Variants in NEO1 observed in about 807,000 individuals in gnomAD.
NEO1 encodes neogenin 1.
NEO1 carries 63 observed loss-of-function variants against 159.7 expected under a neutral mutation model. The ratio of observed to expected loss-of-function variants is 0.39; its 90% CI spans 0.32 to 0.49. NEO1 has a LOEUF of 0.49. Among genes scored for constraint, NEO1 ranks in the 20% least tolerant of loss-of-function variants. The pLI is 0.85. For missense variants in NEO1, 1,615 were observed against 1,831.0 expected, an observed-to-expected ratio of 0.88 and a Z score of 2.15; for synonymous variants, 633 against 662.0, an observed-to-expected ratio of 0.96 and a Z score of 0.67.
At chr15:73,263,319 G>A (rs998934840) in intron 15 of NEO1, among the ~76,000 whole-genome samples, 1 of 151,106 alleles carries the variant, frequency 6.6e-6, no homozygotes, top group East Asian at 2.0e-4. Context: ...TCAACCTCCT[G>A]AGTAGCTGGG....
In NEO1 at chr15:73,288,398, C is replaced by T; in HGVS notation, c.3496C>T (p.His1166Tyr). The T allele has an allele frequency of 3.7e-6, 6 of 1,614,092 alleles. No individual in the cohort carries two copies. The highest frequency in any genetic ancestry group is 5.1e-6 in the Non-Finnish European group (6 of 1,180,000). Reference protein sequence around the residue: ...KDVKPPDLWIHHERLELKPID... With the variant: ...KDVKPPDLWIYHERLELKPID... ...TGTGAAACCTCCAGATCTCTGGATC[C>T]ATCATGAGAGACTGGAGCTGAAACC... The change falls in exon 24 of 29, where the codon CAT (histidine) becomes TAT (tyrosine). Residue 1166 changes from histidine (H) to tyrosine (Y), a missense_variant. This residue lies in a region of NEO1 where 471 missense variants were observed against 498.9 expected (regional missense o/e 0.94). Transcript: ENST00000261908.
intron 1 of NEO1, among the ~76,000 whole-genome samples, chr15:73,099,503 G>A (rs950738170): frequency 6.6e-6 from 1 of 152,158 alleles, no homozygotes; most frequent in African/African-American, 2.4e-5. Context: ...GCAGAAACTA[G>A]CTTTGATAAT....
intron 22 of NEO1, 63 bp downstream of exon 22, chr15:73,278,262 T>A: frequency 6.8e-7 from 1 of 1,460,864 alleles, no homozygotes. Flanking sequence ...GCTTAAATTT[T>A]TGAAATGTCC....
intron 7 of NEO1, among the ~76,000 whole-genome samples, chr15:73,188,720 A>G (rs1032127740): frequency 6.6e-6 from 1 of 152,242 alleles, no homozygotes; most frequent in African/African-American, 2.4e-5. Context: ...TGATGTAACA[A>G]TTTACATTTT....
At chr15:73,165,946 T>C (rs1037675294) in intron 5 of NEO1, among the ~76,000 whole-genome samples, 5 of 152,318 alleles carry the variant, frequency 3.3e-5, no homozygotes, top group Admixed American at 2.6e-4. Context: ...GGATTTTCCA[T>C]TGTGGGCATG....
chr15:73,160,571 A>C (rs946965150), intron 5 of NEO1, among the ~76,000 whole-genome samples: 4 of 152,172 alleles, frequency 2.6e-5, no homozygotes, highest in African/African-American at 9.6e-5. Flanking sequence ...GACTAGCTAC[A>C]GATTGAGGTT....
chr15:73,063,865 T>A (rs889611035), intron 1 of NEO1, among the ~76,000 whole-genome samples: 1 of 152,186 alleles, frequency 6.6e-6, no homozygotes, highest in Non-Finnish European at 1.5e-5. Context: ...ATGTTCCAAT[T>A]TAATGAAAAT....
At chr15:73,217,645 C>T (rs1378237740) in intron 7 of NEO1, among the ~76,000 whole-genome samples, 10 of 152,112 alleles carry the variant, frequency 6.6e-5, no homozygotes, top group South Asian at 2.1e-4. Context: ...AGGTCCTTCA[C>T]GTCCCTTGTA....
At chr15:73,180,808 T>C (rs2035563987) in intron 7 of NEO1, among the ~76,000 whole-genome samples, 1 of 152,220 alleles carries the variant, frequency 6.6e-6, no homozygotes, top group Admixed American at 6.5e-5. Flanking sequence ...TTATTGGGCA[T>C]GTATTAAAGA....
intron 21 of NEO1, 27 bp downstream of exon 21, chr15:73,274,751 C>T: frequency 6.3e-7 from 1 of 1,585,898 alleles, no homozygotes. Flanking sequence ...CCTCTCTTTT[C>T]TTTCCTTTCT....
At chr15:73,163,017 C>T (rs1370877967) in intron 5 of NEO1, 1 of 152,576 alleles carries the variant, frequency 6.6e-6, no homozygotes, top group Non-Finnish European at 1.5e-5. Context: ...AGGATGGAAT[C>T]AAACCAGGCG....
chr15:73,213,378 A>G (rs2037691708), intron 7 of NEO1, among the ~76,000 whole-genome samples: 1 of 152,222 alleles, frequency 6.6e-6, no homozygotes, highest in South Asian at 2.1e-4. Context: ...TCACCTGAAC[A>G]GTATACAATG....
chr15:73,252,237 C>T (rs924885825), intron 11 of NEO1, among the ~76,000 whole-genome samples: 2 of 152,152 alleles, frequency 1.3e-5, no homozygotes, highest in African/African-American at 4.8e-5. Flanking sequence ...AGAGAAGTTT[C>T]CACGGGTGGA....
intron 15 of NEO1, among the ~76,000 whole-genome samples, chr15:73,260,729 G>A (rs1287340079): frequency 6.6e-6 from 1 of 152,036 alleles, no homozygotes; most frequent in East Asian, 1.9e-4. Flanking sequence ...TAGAAGTGTT[G>A]GGTTTCTGTC....
At chr15:73,068,231 C>CCG (rs1555421037) in intron 1 of NEO1, among the ~76,000 whole-genome samples, 12 of 120,662 alleles carry the variant, frequency 9.9e-5, no homozygotes, top group Admixed American at 1.9e-4. Context: ...CTACCCCCCC[C>CCG]CCTTTTTTTT....
At chr15:73,138,493 G>A (rs1030120343) in intron 5 of NEO1, among the ~76,000 whole-genome samples, 7 of 151,510 alleles carry the variant, frequency 4.6e-5, no homozygotes, top group Non-Finnish European at 1.0e-4. Context: ...GCGGTGGCTC[G>A]CGCCTGTAAT....
Position 73,056,668 on chromosome 15 carries a change from C to T in NEO1, c.130+3863C>T, listed in dbSNP as rs28450594. On this transcript the variant is annotated intron_variant, in intron 1 of 28. Coordinates refer to ENST00000261908, the MANE Select transcript of NEO1 (RefSeq NM_002499.4). Reference sequence around the variant, plus strand: ...TGTGTGCATGTGTGTGTGGGCCCCCCCTGCCCTTCCCCTCAAACCTTATCC... The same window carrying T: ...TGTGTGCATGTGTGTGTGGGCCCCCTCTGCCCTTCCCCTCAAACCTTATCC... Among the ~76,000 whole-genome samples the T allele has an allele frequency of 5.5e-3, 834 of 152,212 alleles. 7 individuals carry two copies. The highest frequency in any genetic ancestry group is 0.019 in the African/African-American group (784 of 41,484).
intron 1 of NEO1, among the ~76,000 whole-genome samples, chr15:73,101,164 T>C (rs1292191743): frequency 6.6e-6 from 1 of 152,254 alleles, no homozygotes; most frequent in African/African-American, 2.4e-5. Context: ...TATTTTCATT[T>C]TCATTAAATT....
At chr15:73,299,812 G>A (rs2042544183) in intron 27 of NEO1, 1 of 150,226 alleles carries the variant, frequency 6.7e-6, no homozygotes, top group Non-Finnish European at 1.5e-5. Context: ...TCAATCTGTT[G>A]CAATATGGTG....
Sources: allele counts gnomAD v4.1 joint callset (sites outside exome capture counted in the v4.1 genomes callset), GRCh38; gene constraint gnomAD v4.1.1; regional missense constraint gnomAD v4.1.1; transcripts MANE v1.5; gene names NCBI Gene and HGNC (gene_info 2026-07-23, HGNC 2026-07-21).